Variants in ITPR2 observed in about 807,000 individuals in gnomAD.
ITPR2 encodes inositol 1,4,5-trisphosphate receptor type 2, also known as inositol 1,4,5-trisphosphate-gated calcium channel ITPR2.
Under a neutral mutation model 317.1 loss-of-function variants are expected in ITPR2, and 207 were observed. The observed-to-expected ratio is 0.65, with a 90% confidence interval of 0.58 to 0.73. The LOEUF (loss-of-function observed/expected upper bound fraction) is 0.73, where lower values mean the gene tolerates loss of function less well. Among genes scored for constraint, ITPR2 ranks in the 30% least tolerant of loss-of-function variants. The pLI is 0.00. For synonymous variants in ITPR2, 1,156 were observed against 1,149.1 expected (o/e 1.01, Z -0.12); for missense variants, 2,613 against 3,284.0 (o/e 0.80, Z 4.99).
chr12:26,556,555 T>A (rs901236713), intron 35 of ITPR2, among the ~76,000 whole-genome samples, 180 bp from the exon 36 acceptor site: 8 of 61,866 alleles, frequency 1.3e-4, no homozygotes, highest in Non-Finnish European at 2.4e-4. Context: ...CCTGGGTCTC[T>A]ATTTTTTTTT....
intron 44 of ITPR2, among the ~76,000 whole-genome samples, chr12:26,476,317 T>C (rs943010771): frequency 3.3e-5 from 5 of 152,222 alleles, no homozygotes; most frequent in Admixed American, 2.6e-4. Context: ...ACATTCTCAA[T>C]GCTTTTGGAA....
At position 26,556,556 on chromosome 12, in the gene ITPR2, ATTT is replaced by A. The variant is rs11312773; in HGVS notation, c.4822-184_4822-182del. Among the ~76,000 whole-genome samples the A allele has an allele frequency of 7.4e-4, 99 of 133,842 alleles. 1 individual carries two copies. The South Asian group carries it at 7.5e-3, about 10-fold the overall frequency. The allele number at this position is 133,842 out of a possible 152,430, so 87.8% of individuals were successfully genotyped here. A position where few individuals can be genotyped will look rare whatever the true frequency, so the allele number is the denominator to read the frequency against. On this transcript the variant is annotated intron_variant, in intron 35 of 56. Transcript: ENST00000381340. ...ATGTAAGAATATTGCCTGGGTCTCT[ATTT>A]TTTTTTTTGTGTGTGTGTGTGTGTG...
At chr12:26,639,995 A>T (rs543040258) in intron 21 of ITPR2, among the ~76,000 whole-genome samples, 85 of 152,122 alleles carry the variant, frequency 5.6e-4, no homozygotes, top group African/African-American at 1.8e-3. Flanking sequence ...CAGTAATGGG[A>T]TTGCTGAGTC....
intron 13 of ITPR2, among the ~76,000 whole-genome samples, chr12:26,675,362 T>C (rs1947883961): frequency 2.0e-5 from 3 of 152,166 alleles, no homozygotes; most frequent in Admixed American, 1.3e-4. Flanking sequence ...GAATACTATG[T>C]AGCCATAAAA....
chr12:26,818,574 G>A (rs1175167597), intron 1 of ITPR2, among the ~76,000 whole-genome samples: 1 of 152,182 alleles, frequency 6.6e-6, no homozygotes, highest in East Asian at 1.9e-4. Flanking sequence ...TCCTGCACAT[G>A]GATTAGTGTA....
At chr12:26,424,466 T>C (rs1940984844) in intron 49 of ITPR2, among the ~76,000 whole-genome samples, 1 of 152,172 alleles carries the variant, frequency 6.6e-6, no homozygotes, top group African/African-American at 2.4e-5. Context: ...GTACTAAAAC[T>C]TAAGGTACAA....
Position 26,831,455 on chromosome 12 carries a change from C to A in ITPR2, c.92+1235G>T, listed in dbSNP as rs1381726554. Among the ~76,000 whole-genome samples, 2 of 151,978 alleles carry A rather than the reference C, an allele frequency of 1.3e-5. No homozygotes were observed. The highest frequency in any genetic ancestry group is 3.9e-4 in the East Asian group (2 of 5,192). On this transcript the variant is annotated intron_variant, in intron 1 of 56. Coordinates refer to ENST00000381340, the MANE Select transcript of ITPR2 (RefSeq NM_002223.4). The surrounding 1 kb of genome is among the most constrained non-coding windows in gnomAD (Gnocchi z 4.9). ...GCAGGTTAAGTCATCTGCCCCAAAG[C>A]CTAACAGCTGAAAACAGTAGCCAGA...
At chr12:26,768,583 A>AC (rs1949780360) in intron 2 of ITPR2, among the ~76,000 whole-genome samples, 1 of 147,184 alleles carries the variant, frequency 6.8e-6, no homozygotes, top group African/African-American at 2.5e-5. Context: ...AAAAAAAAAA[A>AC]AAAAAAAAAA....
At chr12:26,763,776 A>G (rs1407370602) in intron 2 of ITPR2, among the ~76,000 whole-genome samples, 1 of 152,114 alleles carries the variant, frequency 6.6e-6, no homozygotes, top group African/African-American at 2.4e-5. Flanking sequence ...CCTGAATGCT[A>G]AGACTGGGTA....
chr12:26,580,388 A>AAAG (rs1945374248), intron 32 of ITPR2, among the ~76,000 whole-genome samples: 1 of 152,146 alleles, frequency 6.6e-6, no homozygotes, highest in Non-Finnish European at 1.5e-5. Context: ...GAATTCTTTC[A>AAAG]CAGACCCCCA....
Position 26,831,073 on chromosome 12 carries a change from C to T in ITPR2, c.92+1617G>A, listed in dbSNP as rs1251761073. ...CTCTGCTTAACTACTACATCACACA[C>T]ACACACCTGGAGAGTCTACGGAGGG... On this transcript the variant is annotated intron_variant, in intron 1 of 56. Transcript: ENST00000381340. This position sits in a 1 kb window ranked among gnomAD's most constrained non-coding sequence, Gnocchi z 4.9. 6.6e-6 allele frequency among the ~76,000 whole-genome samples: 1 copy of T among 152,182 alleles called. No individual in the cohort carries two copies. The highest frequency in any genetic ancestry group is 2.4e-5 in the African/African-American group (1 of 41,422).
chr12:26,832,270 T>C (rs1400154897), intron 1 of ITPR2, among the ~76,000 whole-genome samples: 2 of 152,222 alleles, frequency 1.3e-5, no homozygotes, highest in East Asian at 1.9e-4. Flanking sequence ...GACTGCTCTT[T>C]CAAACCCGGC....
chr12:26,677,747 T>C (rs1238337759), intron 13 of ITPR2, among the ~76,000 whole-genome samples: 18 of 152,128 alleles, frequency 1.2e-4, no homozygotes, highest in Non-Finnish European at 1.8e-4. Context: ...CCAGGAAATC[T>C]GAATTAAAAA....
At chr12:26,662,281 C>T (rs889514451) in intron 15 of ITPR2, among the ~76,000 whole-genome samples, 4 of 152,202 alleles carry the variant, frequency 2.6e-5, no homozygotes, top group Admixed American at 1.3e-4. Context: ...TGGTTCCATT[C>T]TTAAACTATC....
At chr12:26,772,477 TAA>T (rs1949874772) in intron 2 of ITPR2, among the ~76,000 whole-genome samples, 1 of 81,876 alleles carries the variant, frequency 1.2e-5, no homozygotes, top group Non-Finnish European at 3.3e-5. Flanking sequence ...GTATTATATA[TAA>T]TATATATAAT....
intron 26 of ITPR2, among the ~76,000 whole-genome samples, chr12:26,615,485 G>C (rs1051337358): frequency 9.9e-4 from 150 of 152,136 alleles, no homozygotes; most frequent in Non-Finnish European, 5.7e-4. Context: ...GTCATAGGTA[G>C]AGAAAATGTA....
intron 11 of ITPR2, among the ~76,000 whole-genome samples, chr12:26,685,672 T>G (rs1472531718): frequency 6.6e-6 from 1 of 152,202 alleles, no homozygotes; most frequent in Non-Finnish European, 1.5e-5. Flanking sequence ...TGTCTTACCT[T>G]AAGTTCTGGC....
chr12:26,666,015 A>G lies in ITPR2; in HGVS notation c.1446T>C (p.Phe482=). Residue 482 remains phenylalanine (F), a synonymous_variant, in exon 14 of 57, where the codon TTT becomes TTC. Coordinates refer to ENST00000381340, the MANE Select transcript of ITPR2 (RefSeq NM_002223.4). ...GTCCATTATTAGGCACATCAGCAAC[A>G]AAGAATATGAGATCTTCCAATAATT... ...VTKLLEDLIF[F]VADVPNNGQE... 1 of 1,613,136 alleles carries G rather than the reference A, an allele frequency of 6.2e-7. No homozygotes were observed. Among genetic ancestry groups the G allele is most frequent in the Non-Finnish European group, 8.5e-7 (1 of 1,179,374 alleles).
intron 2 of ITPR2, among the ~76,000 whole-genome samples, chr12:26,788,557 A>G (rs1950295391): frequency 6.6e-6 from 1 of 152,114 alleles, no homozygotes; most frequent in African/African-American, 2.4e-5. Flanking sequence ...ATTTACCATC[A>G]CTACTCTGAA....
Sources: gnomAD v4.1 joint callset for allele counts (sites outside exome capture counted in the v4.1 genomes callset) on GRCh38, gnomAD v4.1.1 for gene constraint, Gnocchi (gnomAD v3.1) non-coding constraint, MANE v1.5 for transcripts, NCBI Gene and HGNC (gene_info 2026-07-23, HGNC 2026-07-21) for gene names.